CDC37: variants seen among roughly 807,000 people sequenced by gnomAD.
The protein encoded by CDC37 is hsp90 co-chaperone Cdc37.
A neutral mutation model predicts 46.9 loss-of-function variants in CDC37; 9 were observed. That is an observed-to-expected ratio of 0.19 (90% CI 0.12 to 0.33). CDC37 has a LOEUF of 0.33. Ranked by LOEUF, CDC37 falls within the 10% of genes least tolerant of loss-of-function variation. The probability of loss-of-function intolerance (pLI) is 1.00; values close to 1 mark genes in which losing one functional copy is unlikely to be tolerated. For missense variants in CDC37, 388 were observed against 514.6 expected (o/e 0.75, Z 2.38); for synonymous variants, 193 against 191.0 (o/e 1.01, Z -0.09).
At chr19:10,403,243 T>A in intron 1 of CDC37, 135 bp downstream of exon 1, 1 of 671,700 alleles carries the variant, frequency 1.5e-6, no homozygotes, top group Non-Finnish European at 2.6e-6. Flanking sequence ...CGGAGTTGAA[T>A]CGAAGCTCCT....
At chr19:10,399,526 G>A (rs947514664) in intron 1 of CDC37, among the ~76,000 whole-genome samples, 2 of 150,796 alleles carry the variant, frequency 1.3e-5, no homozygotes, top group Non-Finnish European at 2.9e-5. Flanking sequence ...TGCAGGCTGG[G>A]CACAGTGACC....
At chr19:10,394,283 A>G (rs2042475783) in intron 5 of CDC37, among the ~76,000 whole-genome samples, 1 of 151,908 alleles carries the variant, frequency 6.6e-6, no homozygotes, top group African/African-American at 2.4e-5. Flanking sequence ...CTAAAACCCA[A>G]AACCCTAGAG....
intron 1 of CDC37, 151 bp downstream of exon 1, chr19:10,403,227 G>A: frequency 1.6e-6 from 1 of 640,528 alleles, no homozygotes; most frequent in Non-Finnish European, 2.8e-6. Flanking sequence ...AATGGTACTG[G>A]GGTCCCGGAG....
Position 10,393,233 on chromosome 19 carries a change from TGCC to T in CDC37, c.909+23_909+25del. Reference sequence around the variant, plus strand: ...GGGGTCCCGCTCAGGGTCTTCCTGCTGCCCGCCTGGGCCGGGGAGCCCCACCTC... The same window carrying T: ...GGGGTCCCGCTCAGGGTCTTCCTGCTCGCCTGGGCCGGGGAGCCCCACCTC... On this transcript the variant is annotated intron_variant, in intron 6 of 7. Coordinates refer to ENST00000222005, the MANE Select transcript of CDC37 (RefSeq NM_007065.4). The surrounding 1 kb of genome is among the most constrained non-coding windows in gnomAD (Gnocchi z 4.9). The T allele has an allele frequency of 6.2e-7, 1 of 1,612,826 alleles. No individual in the cohort carries two copies.
intron 7 of CDC37, among the ~76,000 whole-genome samples, chr19:10,392,110 A>G (rs1161131961): frequency 2.0e-5 from 3 of 152,196 alleles, no homozygotes; most frequent in Admixed American, 1.3e-4. Context: ...CTGGAAATTT[A>G]AATTTTATTT....
Position 10,395,137 on chromosome 19 carries a change from C to A in CDC37, c.610G>T (p.Ala204Ser), listed in dbSNP as rs1394172905. Residue 204 changes from alanine to serine, a missense_variant, in exon 5 of 8, where the codon GCA becomes TCA. Physicochemically the swap from Ala to Ser is moderately conservative, Grantham distance 99. Transcript: ENST00000222005. ...TGGTGGGCCACCTGCTCCATGAGTGCACATTTCTGCCAGGAAGAACAGGCA... is the reference window on the plus strand; with the variant it reads ...TGGTGGGCCACCTGCTCCATGAGTGAACATTTCTGCCAGGAAGAACAGGCA... ...CIDLEVEEKCALMEQVAHQTI... is the reference protein window; with the variant it reads ...CIDLEVEEKCSLMEQVAHQTI... 1.9e-6 allele frequency: 3 copies of A among 1,599,230 alleles called. No individual in the cohort carries two copies. The highest frequency in any genetic ancestry group is 1.1e-5 in the South Asian group (1 of 89,548).
intron 1 of CDC37, among the ~76,000 whole-genome samples, chr19:10,399,103 C>T (rs1387517980): frequency 6.6e-6 from 1 of 152,120 alleles, no homozygotes; most frequent in Non-Finnish European, 1.5e-5. Flanking sequence ...GAGCTGGCCC[C>T]TACTCTAATA....
At chr19:10,400,893 GC>G (rs1318968653) in intron 1 of CDC37, among the ~76,000 whole-genome samples, 1 of 151,796 alleles carries the variant, frequency 6.6e-6, no homozygotes, top group Non-Finnish European at 1.5e-5. Context: ...AATAGCCACT[GC>G]CCCAAAAGGA....
In CDC37 at chr19:10,398,302, A is replaced by T. The variant is rs1014753062; in HGVS notation, c.103-2099T>A. On this transcript the variant is annotated intron_variant, in intron 1 of 7. Coordinates refer to ENST00000222005, the MANE Select transcript of CDC37 (RefSeq NM_007065.4). This position sits in a 1 kb window ranked among gnomAD's most constrained non-coding sequence, Gnocchi z 4.2. ...CTCTGTCTTGCCTCTTGGCCTCTGC[A>T]TGTGCGGTTCCCTTACCTGCTTTTG... Among the ~76,000 whole-genome samples, 1 of 152,182 alleles carries T rather than the reference A, an allele frequency of 6.6e-6. No individual in the cohort carries two copies. Among genetic ancestry groups the T allele is most frequent in the Non-Finnish European group, 1.5e-5 (1 of 68,026 alleles).
rs750499966 is a variant in CDC37, at chr19:10,403,498, C to G, written c.-19G>C. The G allele has an allele frequency of 1.9e-6, 3 of 1,590,344 alleles. No individual in the cohort carries two copies. The highest frequency in any genetic ancestry group is 1.1e-5 in the South Asian group (1 of 90,440). ...CCACCATCTTGCCTTGGCGGCCCAGCCCGCTCCGGCTCGGGTGGCGGCGAC... is the reference window on the plus strand; with the variant it reads ...CCACCATCTTGCCTTGGCGGCCCAGGCCGCTCCGGCTCGGGTGGCGGCGAC... On this transcript the variant is annotated 5_prime_UTR_variant, in exon 1 of 8. Coordinates refer to ENST00000222005, the MANE Select transcript of CDC37 (RefSeq NM_007065.4).
intron 5 of CDC37, among the ~76,000 whole-genome samples, 190 bp downstream of exon 5, chr19:10,394,831 C>T (rs1311945719): frequency 1.3e-5 from 2 of 151,188 alleles, no homozygotes; most frequent in African/African-American, 4.9e-5. Context: ...TGCGCCCGGC[C>T]TCCACTTTTA....
chr19:10,396,190 C>T lies in CDC37; in HGVS notation c.116G>A (p.Arg39His). 1.2e-6 allele frequency: 2 copies of T among 1,613,664 alleles called. No individual in the cohort carries two copies. The highest frequency in any genetic ancestry group is 1.7e-5 in the Admixed American group (1 of 59,974). Residue 39 changes from arginine to histidine, a missense_variant, in exon 2 of 8, where the codon CGC (arginine) becomes CAC (histidine). By Grantham distance (29) the Arg-to-His change is conservative. Coordinates refer to ENST00000222005, the MANE Select transcript of CDC37 (RefSeq NM_007065.4). The surrounding 1 kb of genome is among the most constrained non-coding windows in gnomAD (Gnocchi z 5.9). Reference protein sequence around the residue: ...FRWRHQARVERMEQFQKEKEE... With the variant: ...FRWRHQARVEHMEQFQKEKEE... ...CTTCTCCTTCTGGAACTGCTCCATG[C>T]GTTCCACCCGGGCCTGCGGGCAGGG... is the stretch of plus-strand genomic sequence containing the variant.
rs779580546 is a variant in CDC37 at position 10,393,162 on chromosome 19, G to T, written c.910-5C>A. Reference sequence around the variant, plus strand: ...ATCGAAGCACTTCTGGAGTTCCTGGGGGTACAGAGGGGCTGGGGTCAGGGG... The same window carrying T: ...ATCGAAGCACTTCTGGAGTTCCTGGTGGTACAGAGGGGCTGGGGTCAGGGG... On this transcript the variant is annotated splice_region_variant and splice_polypyrimidine_tract_variant and intron_variant, in intron 6 of 7. Transcript: ENST00000222005. The surrounding 1 kb of genome is among the most constrained non-coding windows in gnomAD (Gnocchi z 4.9). The T allele has an allele frequency of 5.0e-6, 8 of 1,613,734 alleles. No individual in the cohort carries two copies. The highest frequency in any genetic ancestry group is 6.8e-6 in the Non-Finnish European group (8 of 1,179,818).
At chr19:10,400,786 C>T (rs2042514788) in intron 1 of CDC37, 1 of 151,818 alleles carries the variant, frequency 6.6e-6, no homozygotes, top group Non-Finnish European at 1.5e-5. Context: ...CCTCAGTCTC[C>T]TGAGTAGCTA....
In CDC37 at chr19:10,391,177, AT is replaced by A; in HGVS notation, c.*373del. ...TTGGAAGATCATTGCTGTTTGCCAA[AT>A]AGAAGACACAGACAGCAGACGAACA... On this transcript the variant is annotated 3_prime_UTR_variant, in exon 8 of 8. Transcript: ENST00000222005. 3.5e-6 allele frequency: 1 copy of A among 287,414 alleles called. No homozygotes were observed. The allele number at this position is 287,414 out of a possible 1,614,324, so 17.8% of individuals were successfully genotyped here.
chr19:10,400,065 T>C (rs1173795910), intron 1 of CDC37, among the ~76,000 whole-genome samples: 1 of 151,702 alleles, frequency 6.6e-6, no homozygotes, highest in African/African-American at 2.4e-5. Context: ...CTCCCCTGTG[T>C]CCTCTGAACA....
chr19:10,391,225 G>A lies in CDC37; in HGVS notation c.*326C>T, dbSNP rs1234541744. ...AACAGTGAAAACAGAGCCCAGTGACGAGAGCCGGCCCCTTGGCTGGGGACC... is the reference window on the plus strand; with the variant it reads ...AACAGTGAAAACAGAGCCCAGTGACAAGAGCCGGCCCCTTGGCTGGGGACC... On this transcript the variant is annotated 3_prime_UTR_variant, in exon 8 of 8. Transcript: ENST00000222005. 1.3e-5 allele frequency: 5 copies of A among 381,822 alleles called. No individual in the cohort carries two copies. Among genetic ancestry groups the A allele is most frequent in the Admixed American group, 4.4e-5 (1 of 22,578 alleles). The allele number at this position is 381,822 out of a possible 1,614,324, so 23.7% of individuals were successfully genotyped here.
intron 5 of CDC37, among the ~76,000 whole-genome samples, chr19:10,394,204 C>T (rs2042475263): frequency 6.6e-6 from 1 of 152,142 alleles, no homozygotes; most frequent in South Asian, 2.1e-4. Context: ...GCAGGGGTTG[C>T]AGTGAGCTGA....
At chr19:10,394,685 C>T (rs1482044515) in intron 5 of CDC37, among the ~76,000 whole-genome samples, 5 of 151,960 alleles carry the variant, frequency 3.3e-5, no homozygotes, top group Non-Finnish European at 7.4e-5. Context: ...TACAGGCACA[C>T]ACCACCATGC....
Sources: allele counts gnomAD v4.1 joint callset (sites outside exome capture counted in the v4.1 genomes callset), GRCh38; gene constraint gnomAD v4.1.1; non-coding constraint Gnocchi (gnomAD v3.1); transcripts MANE v1.5; gene names NCBI Gene and HGNC (gene_info 2026-07-23, HGNC 2026-07-21).